Variants in BCL2 observed in about 807,000 individuals in gnomAD.
BCL2 encodes BCL2 apoptosis regulator.
In BCL2, 1 loss-of-function variant was observed where a neutral mutation model predicts 14.2. The observed-to-expected ratio is 0.07, with a 90% CI of 0.02 to 0.33. The LOEUF is 0.33. Ranked by LOEUF, BCL2 falls within the 10% of genes least tolerant of loss-of-function variation. BCL2 has a pLI of 0.99. For missense variants in BCL2, 247 were observed against 305.9 expected (o/e 0.81, Z 1.44); for synonymous variants, 151 against 137.2 (o/e 1.10, Z -0.70).
intron 2 of BCL2, among the ~76,000 whole-genome samples, chr18:63,259,130 G>C (rs1911575917): frequency 6.6e-6 from 1 of 152,174 alleles, no homozygotes; most frequent in Non-Finnish European, 1.5e-5. Context: ...GCCGTCAGAA[G>C]TCCCATGCCC....
intron 2 of BCL2, among the ~76,000 whole-genome samples, chr18:63,172,716 G>A (rs1045994348): frequency 3.9e-5 from 6 of 152,200 alleles, no homozygotes; most frequent in African/African-American, 1.2e-4. Flanking sequence ...GGGAGGTGGA[G>A]CTGGCAGTGA....
intron 2 of BCL2, among the ~76,000 whole-genome samples, chr18:63,247,426 G>C (rs1012650344): frequency 6.6e-6 from 1 of 151,988 alleles, no homozygotes; most frequent in Non-Finnish European, 1.5e-5. Flanking sequence ...TTGAACTCCT[G>C]ATCTCAGGTG....
chr18:63,214,855 C>T (rs1910154312), intron 2 of BCL2, among the ~76,000 whole-genome samples: 1 of 152,124 alleles, frequency 6.6e-6, no homozygotes, highest in Non-Finnish European at 1.5e-5. Context: ...GGACTACAGG[C>T]ATGTGCCACC....
At chr18:63,281,061 T>G (rs1005838375) in intron 2 of BCL2, among the ~76,000 whole-genome samples, 1 of 152,170 alleles carries the variant, frequency 6.6e-6, no homozygotes, top group Non-Finnish European at 1.5e-5. Flanking sequence ...GAAGACATCA[T>G]GCTTAGTGTA....
At chr18:63,166,494 C>CA (rs1358956536) in intron 2 of BCL2, among the ~76,000 whole-genome samples, 17 of 152,316 alleles carry the variant, frequency 1.1e-4, no homozygotes, top group African/African-American at 4.1e-4. Flanking sequence ...CGCCAGCTCT[C>CA]ACTGGCCAAG....
In BCL2 at chr18:63,193,166, T is replaced by C. The variant is rs182182767; in HGVS notation, c.586-64407A>G. Among the ~76,000 whole-genome samples the C allele has an allele frequency of 2.6e-5, 4 of 152,330 alleles. No homozygotes were observed. The East Asian group carries it at 7.7e-4, about 29-fold the overall frequency. ...GGTATTCCATGGAAGATGCCTGTTA[T>C]GAAAGGAGAGTGTACTGTAGTGATT... On this transcript the variant is annotated intron_variant, in intron 2 of 2. Coordinates refer to ENST00000333681, the MANE Select transcript of BCL2 (RefSeq NM_000633.3).
chr18:63,127,763 C>G lies in BCL2; in HGVS notation c.*862G>C, dbSNP rs1913949157. On this transcript the variant is annotated 3_prime_UTR_variant, in exon 3 of 3. Transcript: ENST00000333681. ...TCACTTCCTCAAGTTCCAGAGGATTCTGTTTCTTACTCAGACAGAGCCAGT... is the reference window on the plus strand; with the variant it reads ...TCACTTCCTCAAGTTCCAGAGGATTGTGTTTCTTACTCAGACAGAGCCAGT... The G allele has an allele frequency of 8.9e-6, 2 of 225,192 alleles. No homozygotes were observed. The highest frequency in any genetic ancestry group is 3.7e-4 in the South Asian group (2 of 5,460). 13.9% of individuals were successfully genotyped at this position (225,192 alleles called of 1,614,324 possible).
intron 2 of BCL2, among the ~76,000 whole-genome samples, chr18:63,269,726 G>T (rs1167077702): frequency 6.6e-6 from 1 of 152,146 alleles, no homozygotes; most frequent in Non-Finnish European, 1.5e-5. Context: ...ATCAAAACTT[G>T]ATTTGATTAG....
intron 2 of BCL2, among the ~76,000 whole-genome samples, chr18:63,237,869 G>T (rs528154502): frequency 6.6e-6 from 1 of 151,942 alleles, no homozygotes; most frequent in Admixed American, 6.6e-5. Flanking sequence ...ATTTTAAATA[G>T]TTTTTTTTAA....
intron 2 of BCL2, among the ~76,000 whole-genome samples, chr18:63,139,386 T>C (rs923202961): frequency 6.6e-6 from 1 of 152,268 alleles, no homozygotes; most frequent in African/African-American, 2.4e-5. Context: ...CCTTGAAATC[T>C]CATCTTCAGC....
chr18:63,154,174 T>A (rs1270958412), intron 2 of BCL2, among the ~76,000 whole-genome samples: 1 of 152,032 alleles, frequency 6.6e-6, no homozygotes, highest in African/African-American at 2.4e-5. Context: ...ACCGGGGTGA[T>A]CCTCAACTCC....
Position 63,243,395 on chromosome 18 carries a change from G to A in BCL2, c.585+74687C>T, listed in dbSNP as rs192660605. Among the ~76,000 whole-genome samples, 21 of 152,166 alleles carry A rather than the reference G, an allele frequency of 1.4e-4. No homozygotes were observed. In the East Asian group the frequency reaches 4.1e-3, roughly 29 times the overall value. On this transcript the variant is annotated intron_variant, in intron 2 of 2. Transcript: ENST00000333681. Reference sequence around the variant, plus strand: ...AGGGTGGGAGGAGGGAGAGGATCAGGAAAAATAACTAATGAGTACTGGGCT... The same window carrying A: ...AGGGTGGGAGGAGGGAGAGGATCAGAAAAAATAACTAATGAGTACTGGGCT...
At chr18:63,294,919 G>A (rs2144273739) in intron 2 of BCL2, among the ~76,000 whole-genome samples, 1 of 152,068 alleles carries the variant, frequency 6.6e-6, no homozygotes, top group South Asian at 2.1e-4. Context: ...CCAGAACTTT[G>A]GGAGGCCAAG....
At chr18:63,136,835 A>G (rs1914221942) in intron 2 of BCL2, among the ~76,000 whole-genome samples, 1 of 152,236 alleles carries the variant, frequency 6.6e-6, no homozygotes, top group African/African-American at 2.4e-5. Context: ...AGTACCAATC[A>G]AGGAAATAGA....
At chr18:63,206,283 C>G (rs1459771483) in intron 2 of BCL2, among the ~76,000 whole-genome samples, 1 of 152,156 alleles carries the variant, frequency 6.6e-6, no homozygotes, top group Admixed American at 6.5e-5. Context: ...TGGCCAATAC[C>G]CAAGCGTTAG....
At chr18:63,317,792 A>G in intron 2 of BCL2, 1 of 1,289,866 alleles carries the variant, frequency 7.8e-7, no homozygotes, top group Non-Finnish European at 9.8e-7. Flanking sequence ...CTTGAGAAAC[A>G]CTGAAGGGGT....
intron 2 of BCL2, among the ~76,000 whole-genome samples, chr18:63,193,607 T>TGTGG (rs1235336098): frequency 6.7e-6 from 1 of 150,236 alleles, no homozygotes; most frequent in Non-Finnish European, 1.5e-5. Context: ...TGTGTGTGTG[T>TGTGG]GTGTATACAC....
At chr18:63,249,580 C>T (rs558786326) in intron 2 of BCL2, among the ~76,000 whole-genome samples, 3 of 151,760 alleles carry the variant, frequency 2.0e-5, no homozygotes, top group Non-Finnish European at 2.9e-5. Flanking sequence ...CATGGTGGTG[C>T]GTGACTGTAG....
intron 2 of BCL2, among the ~76,000 whole-genome samples, chr18:63,275,956 A>G (rs187454143): frequency 6.6e-6 from 1 of 152,368 alleles, no homozygotes; most frequent in Admixed American, 6.5e-5. Flanking sequence ...GAGTGTGTGT[A>G]TGGTGGGAAG....
Sources: allele counts gnomAD v4.1 joint callset (sites outside exome capture counted in the v4.1 genomes callset), GRCh38; gene constraint gnomAD v4.1.1; transcripts MANE v1.5; gene names NCBI Gene and HGNC (gene_info 2026-07-23, HGNC 2026-07-21).